The following IL16 variants were observed in gnomAD, a reference collection of about 807,000 sequenced individuals.
The protein encoded by IL16 is pro-interleukin-16.
Under a neutral mutation model 110.1 loss-of-function variants are expected in IL16, and 67 were observed. The observed-to-expected ratio is 0.61, with a 90% CI of 0.50 to 0.75. The LOEUF (loss-of-function observed/expected upper bound fraction) is 0.75. Ranked by LOEUF, IL16 falls within the 30% of genes least tolerant of loss-of-function variation. The probability of loss-of-function intolerance (pLI) is 0.00; values close to 1 mark genes in which losing one functional copy is unlikely to be tolerated. For synonymous variants in IL16, 689 were observed against 662.9 expected, an observed-to-expected ratio of 1.04 and a Z score of -0.61; for missense variants, 1,545 against 1,655.0, an observed-to-expected ratio of 0.93 and a Z score of 1.15.
In IL16 at chr15:81,308,849, C is replaced by G; in HGVS notation, c.*51C>G. On this transcript the variant is annotated 3_prime_UTR_variant, in exon 19 of 19. Coordinates refer to ENST00000683961, the MANE Select transcript of IL16 (RefSeq NM_172217.5). ...ATAACACACAGCTAACACACAGCTC[C>G]CATAACCGCTGATTCTCAGGGTCTC... 6.8e-7 allele frequency: 1 copy of G among 1,472,658 alleles called. No homozygotes were observed. The highest frequency in any genetic ancestry group is 9.3e-7 in the Non-Finnish European group (1 of 1,079,384). 91.2% of individuals were successfully genotyped at this position (1,472,658 alleles called of 1,614,324 possible).
intron 1 of IL16, among the ~76,000 whole-genome samples, chr15:81,215,497 A>G (rs1452061075): frequency 6.6e-6 from 1 of 152,102 alleles, no homozygotes; most frequent in Non-Finnish European, 1.5e-5. Flanking sequence ...GTATCTCCTC[A>G]TGTTGGCAGG....
rs556347520 is a variant in IL16, at chr15:81,290,358, G to C, written c.1333-95G>C. The C allele has an allele frequency of 2.6e-5, 19 of 724,260 alleles. No homozygotes were observed. In the African/African-American group the frequency reaches 3.3e-4, roughly 12 times the overall value. 44.9% of individuals were successfully genotyped at this position (724,260 alleles called of 1,614,324 possible). ...GAGTGGGTTGAAATAAAATAATTTA[G>C]AATCCAGTGGCCCAGCTTTGGAGCT... On this transcript the variant is annotated intron_variant, in intron 10 of 18. Transcript: ENST00000683961.
At chr15:81,232,645 T>A (rs1363242506) in intron 2 of IL16, among the ~76,000 whole-genome samples, 2 of 152,246 alleles carry the variant, frequency 1.3e-5, no homozygotes, top group Non-Finnish European at 2.9e-5. Flanking sequence ...TACTTTTTCA[T>A]GTAGTGAATT....
intron 3 of IL16, among the ~76,000 whole-genome samples, chr15:81,263,489 G>A (rs1417245007): frequency 2.6e-5 from 4 of 151,928 alleles, no homozygotes; most frequent in African/African-American, 7.3e-5. Context: ...GCTGGAGTGC[G>A]TCAACAAGCA....
At chr15:81,285,048 T>C (rs1011918190) in intron 9 of IL16, among the ~76,000 whole-genome samples, 3 of 152,108 alleles carry the variant, frequency 2.0e-5, no homozygotes, top group Non-Finnish European at 2.9e-5. Flanking sequence ...ATACAAATCT[T>C]CCATGTATCT....
At chr15:81,285,210 C>A (rs543008397) in intron 9 of IL16, among the ~76,000 whole-genome samples, 1 of 152,048 alleles carries the variant, frequency 6.6e-6, no homozygotes, top group South Asian at 2.1e-4. Context: ...GTTATTTTTT[C>A]TCTGCCTTTT....
chr15:81,290,513 A>G lies in IL16; in HGVS notation c.1393A>G (p.Lys465Glu). ...GGCTGTGGAAAACACCAAGTTTGGA[A>G]AGGAGAGGCATCAGTGGAGTCTGGA... ...AQAVENTKFG[K>E]ERHQWSLEGV... Residue 465 changes from lysine (K) to glutamate (E), a missense_variant, in exon 11 of 19, where the codon AAG (lysine) becomes GAG (glutamate). Around this residue, in one of 3 missense-constraint regions of IL16, gnomAD observed 1,185 missense variants for 1,238.8 expected, o/e 0.96. Coordinates refer to ENST00000683961, the MANE Select transcript of IL16 (RefSeq NM_172217.5). The G allele has an allele frequency of 6.2e-7, 1 of 1,613,566 alleles. No homozygotes were observed. The highest frequency in any genetic ancestry group is 1.1e-5 in the South Asian group (1 of 90,990).
chr15:81,283,065 C>A (rs1251098175), intron 9 of IL16, among the ~76,000 whole-genome samples: 3 of 152,198 alleles, frequency 2.0e-5, no homozygotes, highest in African/African-American at 7.2e-5. Flanking sequence ...GCCCCCAGGG[C>A]TAGCAGGAGC....
At chr15:81,227,480 T>G (rs1187478877) in intron 2 of IL16, among the ~76,000 whole-genome samples, 5 of 152,068 alleles carry the variant, frequency 3.3e-5, no homozygotes, top group Admixed American at 1.3e-4. Flanking sequence ...GGGAACAGCA[T>G]GTGCAAAGAC....
rs549523379 is a variant in IL16, at chr15:81,184,137, G to A, written c.40+1241G>A. On this transcript the variant is annotated intron_variant, in intron 1 of 18. Coordinates refer to the IL16 transcript ENST00000302987. ...CCCTTTGGAGGCAGATGACATGGAT[G>A]CATTTACTTCCACTGGGGATCTTCG... 9.2e-5 allele frequency among the ~76,000 whole-genome samples: 14 copies of A among 152,308 alleles called. 1 individual carries two copies. The South Asian group carries it at 2.5e-3, about 27-fold the overall frequency.
intron 2 of IL16, among the ~76,000 whole-genome samples, chr15:81,234,082 G>T (rs994654544): frequency 2.0e-5 from 3 of 151,944 alleles, no homozygotes; most frequent in Non-Finnish European, 4.4e-5. Flanking sequence ...TACTAGTATA[G>T]CTTCACCACT....
intron 2 of IL16, among the ~76,000 whole-genome samples, chr15:81,250,679 C>G (rs1897737586): frequency 6.6e-6 from 1 of 152,130 alleles, no homozygotes; most frequent in Non-Finnish European, 1.5e-5. Flanking sequence ...AAATTCTTAT[C>G]TAGAGGCTTT....
At chr15:81,204,339 G>T (rs1895932041) in intron 1 of IL16, among the ~76,000 whole-genome samples, 1 of 151,890 alleles carries the variant, frequency 6.6e-6, no homozygotes, top group African/African-American at 2.4e-5. Flanking sequence ...AATTGCCCTG[G>T]CCAGAACTTC....
intron 1 of IL16, among the ~76,000 whole-genome samples, chr15:81,198,510 A>G (rs1895680905): frequency 6.6e-6 from 1 of 152,188 alleles, no homozygotes. Flanking sequence ...GCAATTGACT[A>G]TAGAATTATT....
At chr15:81,207,830 C>T (rs572654133) in intron 1 of IL16, among the ~76,000 whole-genome samples, 1 of 142,788 alleles carries the variant, frequency 7.0e-6, no homozygotes, top group Non-Finnish European at 1.5e-5. Context: ...AATGAGCATA[C>T]AAGTGCATGT....
intron 8 of IL16, among the ~76,000 whole-genome samples, chr15:81,280,216 C>G (rs4076200): frequency 2.0e-5 from 3 of 152,168 alleles, no homozygotes; most frequent in Non-Finnish European, 4.4e-5. Flanking sequence ...TGCCACCCCC[C>G]CAGGTGGGGG....
chr15:81,280,386 G>A (rs1349409631), intron 8 of IL16, among the ~76,000 whole-genome samples: 1 of 152,260 alleles, frequency 6.6e-6, no homozygotes, highest in African/African-American at 2.4e-5. Flanking sequence ...AGTGAGAGCT[G>A]ACATCAGGGT....
At position 81,197,018 on chromosome 15, in the gene IL16, CG is replaced by C. The variant is rs1194071110; in HGVS notation, c.-234del. ...TGAGCGTCCATTTCTCAATCCTTGC[CG>C]GCTCTGACCCAGGCCTGGGCCACAG... On this transcript the variant is annotated 5_prime_UTR_variant, in exon 1 of 19. Coordinates refer to ENST00000683961, the MANE Select transcript of IL16 (RefSeq NM_172217.5). 7.8e-7 allele frequency: 1 copy of C among 1,287,004 alleles called. No individual in the cohort carries two copies. Among genetic ancestry groups the C allele is most frequent in the Admixed American group, 2.3e-5 (1 of 43,050 alleles). 79.7% of individuals were successfully genotyped at this position (1,287,004 alleles called of 1,614,324 possible). A position where few individuals can be genotyped will look rare whatever the true frequency, so the allele number is the denominator to read the frequency against.
intron 13 of IL16, among the ~76,000 whole-genome samples, chr15:81,297,432 G>A (rs1292367806): frequency 6.6e-6 from 1 of 152,186 alleles, no homozygotes; most frequent in African/African-American, 2.4e-5. Flanking sequence ...CAACAGTCCT[G>A]CTGCATTCAG....
Sources: gnomAD v4.1 joint callset for allele counts (sites outside exome capture counted in the v4.1 genomes callset) on GRCh38, gnomAD v4.1.1 for gene constraint, gnomAD v4.1.1 regional missense constraint, MANE v1.5 for transcripts, NCBI Gene and HGNC (gene_info 2026-07-23, HGNC 2026-07-21) for gene names.